The following DSCAM variants were observed in gnomAD, a reference collection of about 807,000 sequenced individuals.
DSCAM encodes cell adhesion molecule DSCAM.
Under a neutral mutation model 217.7 loss-of-function variants are expected in DSCAM, and 47 were observed. That is an observed-to-expected ratio of 0.22 (90% CI 0.17 to 0.28). The LOEUF (loss-of-function observed/expected upper bound fraction) is 0.28, where lower values mean the gene tolerates loss of function less well. Ranked by LOEUF, DSCAM falls within the 10% of genes least tolerant of loss-of-function variation. The pLI, the probability that DSCAM is intolerant of heterozygous loss-of-function variation, is 1.00. For missense variants in DSCAM, 2,080 were observed against 2,618.3 expected (o/e 0.79, Z 4.49); for synonymous variants, 1,056 against 1,015.3 (o/e 1.04, Z -0.76).
intron 4 of DSCAM, among the ~76,000 whole-genome samples, chr21:40,356,332 TAC>T (rs575402458): frequency 1.6e-4 from 24 of 151,574 alleles, no homozygotes; most frequent in Admixed American, 1.6e-3. Flanking sequence ...CATACATACA[TAC>T]ACACACAAAT....
intron 14 of DSCAM, 71 bp from the exon 15 acceptor site, chr21:40,179,165 A>G: frequency 9.5e-7 from 1 of 1,049,932 alleles, no homozygotes; most frequent in Non-Finnish European, 1.3e-6. Flanking sequence ...TTGAAAGTTC[A>G]CAAGTAGGAA....
In DSCAM at chr21:40,760,805, A is replaced by AATCT. The variant is rs566095169; in HGVS notation, c.44-52038_44-52035dup. Among the ~76,000 whole-genome samples, 953 of 152,248 alleles carry AATCT rather than the reference A, an allele frequency of 6.3e-3. 6 individuals carry two copies. Among genetic ancestry groups the AATCT allele is most frequent in the Non-Finnish European group, 9.4e-3 (638 of 68,006 alleles). On this transcript the variant is annotated intron_variant, in intron 1 of 32. Transcript: ENST00000400454. The stretch of plus-strand genomic sequence containing the variant: ...CTCATGGACTGTGCCTGGCCTCCAG[A>AATCT]ATCTTCCCCTTTCTGCACCTGGCAC...
At chr21:40,337,980 G>T in intron 8 of DSCAM, 121 bp downstream of exon 8, 2 of 1,239,704 alleles carry the variant, frequency 1.6e-6, no homozygotes, top group Non-Finnish European at 2.3e-6. Flanking sequence ...TCATTCTTCA[G>T]CCTGTACAAT....
At chr21:40,059,332 C>T (rs1218319897) in intron 28 of DSCAM, among the ~76,000 whole-genome samples, 1 of 152,158 alleles carries the variant, frequency 6.6e-6, no homozygotes, top group Non-Finnish European at 1.5e-5. Flanking sequence ...GGAGCAAACA[C>T]CTCTTAGAAG....
In DSCAM at chr21:40,062,919, A is replaced by G; in HGVS notation, c.4889-20T>C. The G allele has an allele frequency of 6.3e-7, 1 of 1,594,658 alleles. No individual in the cohort carries two copies. Among genetic ancestry groups the G allele is most frequent in the Non-Finnish European group, 8.5e-7 (1 of 1,173,286 alleles). On this transcript the variant is annotated intron_variant, in intron 27 of 32. Coordinates refer to ENST00000400454, the MANE Select transcript of DSCAM (RefSeq NM_001389.5). ...TTGCATCTGGGGAAAGAAAGTTAACATTAGTACATGGTAAATAACTCATTA... is the reference window on the plus strand; with the variant it reads ...TTGCATCTGGGGAAAGAAAGTTAACGTTAGTACATGGTAAATAACTCATTA...
At chr21:40,647,257 T>C (rs1182391174) in intron 3 of DSCAM, among the ~76,000 whole-genome samples, 1 of 152,210 alleles carries the variant, frequency 6.6e-6, no homozygotes, top group Non-Finnish European at 1.5e-5. Context: ...GCAACAATCT[T>C]TGCCTTAGTT....
intron 27 of DSCAM, among the ~76,000 whole-genome samples, chr21:40,066,551 C>T (rs992985103): frequency 6.6e-6 from 1 of 152,206 alleles, no homozygotes; most frequent in Admixed American, 6.5e-5. Context: ...AATTCTTGAT[C>T]TTCTAGCACA....
At chr21:40,342,041 C>A (rs2074497780) in intron 6 of DSCAM, among the ~76,000 whole-genome samples, 1 of 152,150 alleles carries the variant, frequency 6.6e-6, no homozygotes. Context: ...CCCAGAAATA[C>A]CGTGGAAGGC....
intron 32 of DSCAM, among the ~76,000 whole-genome samples, chr21:40,027,302 C>G (rs938370606): frequency 1.3e-5 from 2 of 152,280 alleles, no homozygotes; most frequent in Non-Finnish European, 2.9e-5. Flanking sequence ...CTCTGGCTGC[C>G]CTTAACATTT....
At position 40,137,262 on chromosome 21, in the gene DSCAM, T is replaced by TGGG. The variant is rs11300114; in HGVS notation, c.3407-3256_3407-3254dup. On this transcript the variant is annotated intron_variant, in intron 18 of 32. Transcript: ENST00000400454. ...TTAATATACTAATTAGAATTAACAT[T>TGGG]GGGGGGGGGGTTCAAGTTATTTTGA... is the stretch of plus-strand genomic sequence containing the variant. Among the ~76,000 whole-genome samples, 224 of 133,178 alleles carry TGGG rather than the reference T, an allele frequency of 1.7e-3. 1 individual carries two copies. The highest frequency in any genetic ancestry group is 2.6e-3 in the South Asian group (11 of 4,166). 87.4% of individuals were successfully genotyped at this position (133,178 alleles called of 152,430 possible).
intron 3 of DSCAM, among the ~76,000 whole-genome samples, chr21:40,541,107 T>C (rs939608441): frequency 7.9e-5 from 12 of 152,192 alleles, no homozygotes; most frequent in Non-Finnish European, 5.9e-5. Context: ...GGAAGTCTTT[T>C]TATACATCAA....
intron 1 of DSCAM, among the ~76,000 whole-genome samples, chr21:40,802,544 C>T (rs2091751223): frequency 6.6e-6 from 1 of 152,114 alleles, no homozygotes; most frequent in Non-Finnish European, 1.5e-5. Context: ...AAGCTTAATC[C>T]CCAATGTGGC....
intron 7 of DSCAM, 99 bp downstream of exon 7, chr21:40,339,020 G>T: frequency 7.0e-7 from 1 of 1,434,302 alleles, no homozygotes; most frequent in Non-Finnish European, 9.5e-7. Context: ...CAGTTAATCC[G>T]CTCTGGCATT....
chr21:40,121,029 C>A (rs2090027381), intron 20 of DSCAM, among the ~76,000 whole-genome samples: 1 of 152,088 alleles, frequency 6.6e-6, no homozygotes, highest in Non-Finnish European at 1.5e-5. Context: ...ATATTGTGTC[C>A]TGATTTATCC....
chr21:40,714,757 G>A (rs1468589209), intron 1 of DSCAM, among the ~76,000 whole-genome samples: 1 of 152,142 alleles, frequency 6.6e-6, no homozygotes, highest in Non-Finnish European at 1.5e-5. Context: ...TAAGACTTTT[G>A]GGGTACTGGG....
At chr21:40,356,818 A>G (rs770536236) in intron 4 of DSCAM, among the ~76,000 whole-genome samples, 3 of 152,250 alleles carry the variant, frequency 2.0e-5, no homozygotes, top group Non-Finnish European at 4.4e-5. Context: ...ATCATTTATT[A>G]GTAGGAAGAC....
intron 1 of DSCAM, among the ~76,000 whole-genome samples, chr21:40,837,773 C>T (rs2092068636): frequency 6.6e-6 from 1 of 152,330 alleles, no homozygotes; most frequent in South Asian, 2.1e-4. Context: ...ATAAAGTAGT[C>T]ATGGTTCCCG....
At chr21:40,282,801 A>G (rs1378234871) in intron 10 of DSCAM, among the ~76,000 whole-genome samples, 2 of 152,110 alleles carry the variant, frequency 1.3e-5, no homozygotes, top group Admixed American at 1.3e-4. Flanking sequence ...ATTTATATTA[A>G]AGAATCACAA....
intron 3 of DSCAM, among the ~76,000 whole-genome samples, chr21:40,687,759 A>ACGT (rs2146440453): frequency 6.6e-6 from 1 of 152,354 alleles, no homozygotes; most frequent in East Asian, 1.9e-4. Flanking sequence ...GTGTAGCTAC[A>ACGT]GCCTCAGGCC....
Sources: allele counts gnomAD v4.1 joint callset (sites outside exome capture counted in the v4.1 genomes callset), GRCh38; gene constraint gnomAD v4.1.1; transcripts MANE v1.5; gene names NCBI Gene and HGNC (gene_info 2026-07-23, HGNC 2026-07-21).